Variants in SEC14L6 observed in about 807,000 individuals in gnomAD.
SEC14L6 encodes the protein SEC14-like protein 6.
SEC14L6 carries 40 observed loss-of-function variants against 54.1 expected under a neutral mutation model. The observed-to-expected ratio is 0.74, with a 90% CI of 0.57 to 0.96. The LOEUF (loss-of-function observed/expected upper bound fraction) is 0.96, where lower values mean the gene tolerates loss of function less well. SEC14L6 is among the 40% of genes least tolerant of loss of function. The pLI, the probability that SEC14L6 is intolerant of heterozygous loss-of-function variation, is 0.00. For missense variants in SEC14L6, 471 were observed against 498.3 expected, an observed-to-expected ratio of 0.95 and a Z score of 0.52; for synonymous variants, 171 against 198.4, an observed-to-expected ratio of 0.86 and a Z score of 1.16.
In SEC14L6 at chr22:30,533,247, AC is replaced by A. The variant is rs571437983; in HGVS notation, c.175-392del. 5,493 of 579,822 alleles carry A rather than the reference AC, an allele frequency of 9.5e-3. 31 individuals are homozygous for A. Among genetic ancestry groups the A allele is most frequent in the Non-Finnish European group, 0.011 (4,859 of 459,708 alleles). 35.9% of individuals were successfully genotyped at this position (579,822 alleles called of 1,614,324 possible). On this transcript the variant is annotated intron_variant, in intron 3 of 11. Coordinates refer to ENST00000402034, the MANE Select transcript of SEC14L6 (RefSeq NM_001193336.4). The stretch of plus-strand genomic sequence containing the variant: ...AGAGCCTGGCTGATGTGTTGGGGCC[AC>A]CCTGTAACCTCATCACTTCCCCTTC...
At chr22:30,538,682 G>A (rs2085642912) in intron 2 of SEC14L6, 145 bp downstream of exon 2, 3 of 625,460 alleles carry the variant, frequency 4.8e-6, no homozygotes, top group Non-Finnish European at 5.5e-6. Flanking sequence ...CATAATTCCT[G>A]GCCACAGAAA....
intron 2 of SEC14L6, among the ~76,000 whole-genome samples, chr22:30,535,291 C>T (rs1937108798): frequency 6.6e-6 from 1 of 152,174 alleles, no homozygotes; most frequent in Non-Finnish European, 1.5e-5. Context: ...TGGGCTGTCA[C>T]CCAGCTTTCT....
At chr22:30,531,832 A>C (rs1416855629) in intron 6 of SEC14L6, 71 bp downstream of exon 6, 48 of 1,123,258 alleles carry the variant, frequency 4.3e-5, no homozygotes, top group Non-Finnish European at 4.8e-5. Context: ...CCCCTGCCCC[A>C]CACCAGCAAG....
chr22:30,543,534 C>T, intron 1 of SEC14L6: 3 of 1,613,364 alleles, frequency 1.9e-6, no homozygotes, highest in Non-Finnish European at 2.5e-6. Context: ...ATGTATCTGC[C>T]CACAGGGATG....
In SEC14L6 at chr22:30,532,682, C is replaced by T; in HGVS notation, c.266G>A (p.Cys89Tyr). ...VVRLYNANGI[C>Y]GHDGEGSPVW... Reference sequence around the variant, plus strand: ...AGGGCTGCCCTCACCGTCGTGGCCGCATATGCCGTTAGCGTTGTACAGCCT... The same window carrying T: ...AGGGCTGCCCTCACCGTCGTGGCCGTATATGCCGTTAGCGTTGTACAGCCT... Residue 89 changes from cysteine to tyrosine, a missense_variant, in exon 5 of 12, where the codon TGC becomes TAC. By Grantham distance (194) the Cys-to-Tyr change is radical. Transcript: ENST00000402034. 6.4e-7 allele frequency: 1 copy of T among 1,554,930 alleles called. No homozygotes were observed. The highest frequency in any genetic ancestry group is 8.7e-7 in the Non-Finnish European group (1 of 1,149,250).
At chr22:30,529,876 C>G (rs1936912924) in intron 6 of SEC14L6, among the ~76,000 whole-genome samples, 1 of 152,160 alleles carries the variant, frequency 6.6e-6, no homozygotes, top group Non-Finnish European at 1.5e-5. Context: ...ATGAGAGAGA[C>G]TTTCTTTTAG....
intron 1 of SEC14L6, among the ~76,000 whole-genome samples, chr22:30,545,443 G>A (rs376763758): frequency 5.9e-5 from 9 of 151,450 alleles, no homozygotes; most frequent in African/African-American, 1.9e-4. Context: ...TGCCCAGGCT[G>A]GAGTGCAGTG....
chr22:30,542,469 A>C (rs1406032803), intron 1 of SEC14L6: 1 of 556,320 alleles, frequency 1.8e-6, no homozygotes, highest in Non-Finnish European at 3.0e-6. Context: ...CGCTGACCTC[A>C]GAAAAACAAG....
Position 30,523,865 on chromosome 22 carries a change from T to A in SEC14L6, c.*1132A>T, listed in dbSNP as rs963423153. On this transcript the variant is annotated 3_prime_UTR_variant, in exon 12 of 12. Coordinates refer to ENST00000402034, the MANE Select transcript of SEC14L6 (RefSeq NM_001193336.4). ...GGAACTATTTGAACCATGTCTTTTA[T>A]TTTCTGCATGCTTTAACATCTGAGG... 31 of 152,356 alleles carry A rather than the reference T, an allele frequency of 2.0e-4. No homozygotes were observed. The highest frequency in any genetic ancestry group is 7.5e-4 in the African/African-American group (31 of 41,584). 9.4% of individuals were successfully genotyped at this position (152,356 alleles called of 1,614,324 possible).
chr22:30,542,905 A>G, intron 1 of SEC14L6: 1 of 1,601,290 alleles, frequency 6.2e-7, no homozygotes, highest in Non-Finnish European at 8.5e-7. Flanking sequence ...CAGTAACATC[A>G]CCCCAGCAGA....
chr22:30,539,087 C>A (rs5753192), intron 1 of SEC14L6, among the ~76,000 whole-genome samples, 185 bp from the exon 2 acceptor site: 75,626 of 151,918 alleles, frequency 0.5, 18,944 homozygotes, highest in African/African-American at 0.55. Flanking sequence ...TATAAAGAAC[C>A]AACTACAGGC....
chr22:30,525,038 G>C lies in SEC14L6; in HGVS notation c.1153C>G (p.Leu385Val). Residue 385 changes from leucine (L) to valine (V), a missense_variant, in exon 12 of 12, where the codon CTC (leucine) becomes GTC (valine). Leu to Val is a conservative substitution (Grantham distance 32, BLOSUM62 1). Transcript: ENST00000402034. Reference sequence around the variant, plus strand: ...TTCTCCATGAAGGTTTGGTCTGGGAGCAGTACCTCCACGGTGTAGCTGATG... The same window carrying C: ...TTCTCCATGAAGGTTTGGTCTGGGACCAGTACCTCCACGGTGTAGCTGATG... ...KRISYTVEVL[L>V]PDQTFMEKME... The C allele has an allele frequency of 1.9e-6, 3 of 1,549,294 alleles. No individual in the cohort carries two copies. The highest frequency in any genetic ancestry group is 2.6e-6 in the Non-Finnish European group (3 of 1,145,790).
At chr22:30,536,459 G>A (rs764115202) in intron 2 of SEC14L6, among the ~76,000 whole-genome samples, 10 of 152,144 alleles carry the variant, frequency 6.6e-5, no homozygotes, top group Non-Finnish European at 7.3e-5. Flanking sequence ...AATCCTGTCT[G>A]TGCATTCAGA....
At chr22:30,539,648 A>G (rs779249409) in intron 1 of SEC14L6, among the ~76,000 whole-genome samples, 3 of 152,250 alleles carry the variant, frequency 2.0e-5, no homozygotes, top group African/African-American at 4.8e-5. Flanking sequence ...TGCAATAAAG[A>G]TAATTGAGAT....
At chr22:30,544,106 C>G (rs2085772702) in intron 1 of SEC14L6, 1 of 1,391,140 alleles carries the variant, frequency 7.2e-7, no homozygotes, top group Non-Finnish European at 1.0e-6. Flanking sequence ...TTTGCTCTAG[C>G]ACCCATCTCC....
At chr22:30,536,335 G>A (rs776805631) in intron 2 of SEC14L6, among the ~76,000 whole-genome samples, 2 of 151,956 alleles carry the variant, frequency 1.3e-5, no homozygotes, top group African/African-American at 2.4e-5. Context: ...GTTTCATAGT[G>A]GTTTTCTTAC....
chr22:30,532,075 C>G (rs1393285405), intron 5 of SEC14L6, 77 bp from the exon 6 acceptor site: 2 of 1,509,946 alleles, frequency 1.3e-6, no homozygotes, highest in Non-Finnish European at 1.8e-6. Flanking sequence ...TGGGCCTAAG[C>G]CCAGGGCACT....
intron 1 of SEC14L6, chr22:30,543,288 T>C (rs1448393015): frequency 3.0e-5 from 48 of 1,581,852 alleles, no homozygotes; most frequent in Non-Finnish European, 4.1e-5. Context: ...GGGACTCTTT[T>C]CGTGGGACTG....
intron 1 of SEC14L6, chr22:30,543,777 C>T (rs1387578103): frequency 6.5e-7 from 1 of 1,533,126 alleles, no homozygotes; most frequent in African/African-American, 1.4e-5. Context: ...AAGCCCAGGG[C>T]TCCACTTCTT....
Sources: allele counts gnomAD v4.1 joint callset (sites outside exome capture counted in the v4.1 genomes callset), GRCh38; gene constraint gnomAD v4.1.1; transcripts MANE v1.5; gene names NCBI Gene and HGNC (gene_info 2026-07-23, HGNC 2026-07-21).